The following ZSCAN5A variants were observed in gnomAD, a reference collection of about 807,000 sequenced individuals.
ZSCAN5A encodes the protein zinc finger and SCAN domain-containing protein 5A.
ZSCAN5A carries 12 observed loss-of-function variants against 23.7 expected under a neutral mutation model. The ratio of observed to expected loss-of-function variants is 0.51; its 90% CI spans 0.32 to 0.82. The LOEUF (loss-of-function observed/expected upper bound fraction) is 0.82. ZSCAN5A is among the 40% of genes least tolerant of loss of function. The pLI is 0.03. For missense variants in ZSCAN5A, 597 were observed against 617.9 expected, an observed-to-expected ratio of 0.97 and a Z score of 0.36; for synonymous variants, 257 against 239.9, an observed-to-expected ratio of 1.07 and a Z score of -0.66.
At chr19:56,279,562 G>A (rs1404644508) in intron 2 of ZSCAN5A, among the ~76,000 whole-genome samples, 1 of 152,192 alleles carries the variant, frequency 6.6e-6, no homozygotes, top group Non-Finnish European at 1.5e-5. Context: ...AAAATCGTAA[G>A]TGTCCCATAT....
rs184779453 is a variant in ZSCAN5A, at chr19:56,339,983, G to T, written c.-358+23252C>A. Among the ~76,000 whole-genome samples the T allele has an allele frequency of 1.9e-3, 286 of 152,294 alleles. 5 individuals carry two copies. Among genetic ancestry groups the T allele is most frequent in the Admixed American group, 0.018 (279 of 15,292 alleles). ...CTGACCCTTCCAATCTGTTCCTGGGGATTGTCTGATACTACTGTCTTGGGG... is the reference window on the plus strand; with the variant it reads ...CTGACCCTTCCAATCTGTTCCTGGGTATTGTCTGATACTACTGTCTTGGGG... On this transcript the variant is annotated intron_variant, in intron 2 of 6. Coordinates refer to the ZSCAN5A transcript ENST00000587340.
chr19:56,349,630 G>A (rs1008017803), intron 2 of ZSCAN5A, among the ~76,000 whole-genome samples: 7 of 146,860 alleles, frequency 4.8e-5, no homozygotes, highest in Non-Finnish European at 1.0e-4. Context: ...GCTTGAACCC[G>A]GGAGGTGGAG....
chr19:56,231,656 C>A (rs2034470964), intron 2 of ZSCAN5A, among the ~76,000 whole-genome samples: 1 of 152,224 alleles, frequency 6.6e-6, no homozygotes. Flanking sequence ...AAATCCTATA[C>A]CTTAATTAAT....
At chr19:56,305,830 TC>T (rs1398098726) in intron 2 of ZSCAN5A, among the ~76,000 whole-genome samples, 1 of 151,986 alleles carries the variant, frequency 6.6e-6, no homozygotes, top group East Asian at 1.9e-4. Context: ...TGACAATGAA[TC>T]AAAGGCCTGT....
At chr19:56,275,020 C>G (rs139369334) in intron 2 of ZSCAN5A, 2 of 152,156 alleles carry the variant, frequency 1.3e-5, no homozygotes, top group African/African-American at 4.8e-5. Flanking sequence ...GGCAGGAATA[C>G]CACAGAAGTG....
chr19:56,327,474 ATATAT>A (rs1388937629), intron 2 of ZSCAN5A, among the ~76,000 whole-genome samples: 7 of 150,410 alleles, frequency 4.7e-5, no homozygotes, highest in Admixed American at 3.3e-4. Context: ...TACTATGTTT[ATATAT>A]TATGTTTTAT....
intron 2 of ZSCAN5A, chr19:56,283,899 G>A (rs1600180135): frequency 6.6e-6 from 1 of 152,160 alleles, no homozygotes; most frequent in East Asian, 1.9e-4. Flanking sequence ...TAGCATGAAT[G>A]AAGAACGGTT....
chr19:56,262,621 G>C (rs566205793), intron 2 of ZSCAN5A, among the ~76,000 whole-genome samples: 1 of 150,310 alleles, frequency 6.7e-6, no homozygotes, highest in Admixed American at 6.6e-5. Flanking sequence ...TAGTAGAGAC[G>C]GGGTTTCACC....
At position 56,265,410 on chromosome 19, in the gene ZSCAN5A, G is replaced by A. The variant is rs77127505; in HGVS notation, c.-127-40237C>T. On this transcript the variant is annotated intron_variant, in intron 2 of 5. Transcript: ENST00000683990. ...GGTTAAAGCTGTAAGCAAGCAGTAA[G>A]GCTTGAAACTTAAAGCTGGTGGAAA... 3.7e-3 allele frequency among the ~76,000 whole-genome samples: 560 copies of A among 149,966 alleles called. 2 individuals carry two copies. The highest frequency in any genetic ancestry group is 0.024 in the East Asian group (120 of 5,092).
intron 2 of ZSCAN5A, among the ~76,000 whole-genome samples, chr19:56,328,098 G>A (rs575570810): frequency 1.3e-5 from 2 of 152,254 alleles, no homozygotes; most frequent in Admixed American, 1.3e-4. Flanking sequence ...CACAGTGAAG[G>A]GAGAAAGAGA....
intron 4 of ZSCAN5A, among the ~76,000 whole-genome samples, chr19:56,223,009 C>T (rs905628584): frequency 1.3e-5 from 2 of 152,248 alleles, no homozygotes; most frequent in East Asian, 1.9e-4. Context: ...TATTTCTCCC[C>T]GCCGTGCCAA....
chr19:56,301,221 C>T (rs12975945), intron 2 of ZSCAN5A, among the ~76,000 whole-genome samples: 15,058 of 152,234 alleles, frequency 0.099, 1,578 homozygotes, highest in East Asian at 0.56. Flanking sequence ...GCAAGGACTG[C>T]TGGACTGAGT....
intron 2 of ZSCAN5A, among the ~76,000 whole-genome samples, chr19:56,244,954 C>T (rs2035748961): frequency 2.6e-5 from 4 of 152,260 alleles, no homozygotes; most frequent in Admixed American, 6.5e-5. Flanking sequence ...GAGCTGCCAT[C>T]GGCCAATTGA....
chr19:56,244,349 T>C, intron 2 of ZSCAN5A: 6 of 1,601,154 alleles, frequency 3.7e-6, no homozygotes, highest in Non-Finnish European at 5.1e-6. Context: ...GCTCCAGGTC[T>C]TAGTCAAGGT....
At chr19:56,236,989 C>T (rs940852560) in intron 2 of ZSCAN5A, among the ~76,000 whole-genome samples, 4 of 152,222 alleles carry the variant, frequency 2.6e-5, no homozygotes, top group Non-Finnish European at 4.4e-5. Flanking sequence ...TCTGACTGGT[C>T]GCAGGTCAGT....
chr19:56,258,701 A>C (rs2036907228), intron 2 of ZSCAN5A, among the ~76,000 whole-genome samples: 1 of 152,174 alleles, frequency 6.6e-6, no homozygotes, highest in South Asian at 2.1e-4. Context: ...CTCCCATCTG[A>C]TCTGTTCAAA....
chr19:56,312,327 A>C (rs1351267963), intron 2 of ZSCAN5A: 7 of 152,260 alleles, frequency 4.6e-5, no homozygotes, highest in Non-Finnish European at 5.9e-5. Context: ...TTTTTCATTA[A>C]AATTAAAAAA....
chr19:56,292,004 G>A (rs758758), intron 2 of ZSCAN5A, among the ~76,000 whole-genome samples: 66,720 of 151,990 alleles, frequency 0.44, 15,538 homozygotes, highest in Admixed American at 0.52. Flanking sequence ...ATCTGCACTT[G>A]ACTGAGGTAT....
rs772051310 is a variant in ZSCAN5A, at chr19:56,222,057, C to G, written c.1009G>C (p.Gly337Arg). Residue 337 changes from glycine to arginine, a missense_variant, in exon 6 of 6, where the codon GGC becomes CGC. Around this residue, in one of 5 missense-constraint regions of ZSCAN5A, gnomAD observed 406 missense variants for 353.2 expected, o/e 1.15. Transcript: ENST00000683990. ...QAGMNSIHSPGPASPVSHPDG... is the reference protein window; with the variant it reads ...QAGMNSIHSPRPASPVSHPDG... ...GGGTGACTGACTGGGCTCGCAGGGC[C>G]TGGGGAATGAATTGAATTCATCCCA... The G allele has an allele frequency of 6.2e-7, 1 of 1,614,144 alleles. No homozygotes were observed. Among genetic ancestry groups the G allele is most frequent in the Non-Finnish European group, 8.5e-7 (1 of 1,180,024 alleles).
Sources: allele counts gnomAD v4.1 joint callset (sites outside exome capture counted in the v4.1 genomes callset), GRCh38; gene constraint gnomAD v4.1.1; regional missense constraint gnomAD v4.1.1; transcripts MANE v1.5; gene names NCBI Gene and HGNC (gene_info 2026-07-23, HGNC 2026-07-21).